ATG7: variants seen among roughly 807,000 people sequenced by gnomAD.
ATG7 encodes ubiquitin-like modifier-activating enzyme ATG7.
Under a neutral mutation model 82.4 loss-of-function variants are expected in ATG7, and 70 were observed. The ratio of observed to expected loss-of-function variants is 0.85; its 90% confidence interval spans 0.70 to 1.04. The LOEUF is 1.04. Among genes scored for constraint, ATG7 ranks in the 50% least tolerant of loss-of-function variants. The pLI is 0.00. For synonymous variants in ATG7, 287 were observed against 313.0 expected (o/e 0.92, Z 0.88); for missense variants, 792 against 864.3 (o/e 0.92, Z 1.05).
chr3:11,546,824 C>CCTG (rs1416311123), intron 20 of ATG7, among the ~76,000 whole-genome samples: 1 of 152,228 alleles, frequency 6.6e-6, no homozygotes, highest in Non-Finnish European at 1.5e-5. Flanking sequence ...AGGGCAGCGG[C>CCTG]CAGTGGGGAG....
intron 19 of ATG7, among the ~76,000 whole-genome samples, chr3:11,390,747 T>C (rs2078732812): frequency 1.5e-5 from 1 of 64,960 alleles, no homozygotes; most frequent in Admixed American, 2.0e-4. Context: ...GCAGGAAATT[T>C]TTAAAAAACT....
chr3:11,571,558 T>C, the ATG7 span, among the ~76,000 whole-genome samples: 2 of 151,808 alleles, frequency 1.3e-5, no homozygotes, highest in African/African-American at 2.4e-5. Flanking sequence ...GTAGCGCCTG[T>C]AATCCCAGCT....
chr3:11,357,776 G>A (rs972753682), intron 14 of ATG7, among the ~76,000 whole-genome samples: 1 of 151,982 alleles, frequency 6.6e-6, no homozygotes, highest in South Asian at 2.1e-4. Context: ...TTTGGAGGCC[G>A]AATCAGGAGG....
chr3:11,535,675 C>T (rs1163642813), intron 20 of ATG7, among the ~76,000 whole-genome samples: 2 of 152,112 alleles, frequency 1.3e-5, no homozygotes, highest in African/African-American at 2.4e-5. Flanking sequence ...GCTCGGCCCT[C>T]TCTCTTTTCA....
At chr3:11,478,701 A>G (rs2088551397) in intron 20 of ATG7, among the ~76,000 whole-genome samples, 1 of 152,140 alleles carries the variant, frequency 6.6e-6, no homozygotes, top group African/African-American at 2.4e-5. Context: ...AACAATTGAA[A>G]ATTTAAAAGA....
At chr3:11,558,889 T>G, downstream of ATG7, 362 of 1,572,332 alleles carry the variant, frequency 2.3e-4, no homozygotes, top group Middle Eastern at 4.6e-4. Context: ...CAGGCACGGT[T>G]GCAGCACCCT....
intron 20 of ATG7, among the ~76,000 whole-genome samples, chr3:11,543,996 C>T (rs539368308): frequency 6.6e-6 from 1 of 152,330 alleles, no homozygotes; most frequent in East Asian, 1.9e-4. Flanking sequence ...CTGGCCTCAC[C>T]ATCTGCTCTG....
chr3:11,534,409 C>T (rs900069329), intron 20 of ATG7, among the ~76,000 whole-genome samples: 4 of 152,236 alleles, frequency 2.6e-5, no homozygotes, highest in Non-Finnish European at 4.4e-5. Context: ...GGAACAGAGG[C>T]CCTCAGCATC....
intron 20 of ATG7, among the ~76,000 whole-genome samples, chr3:11,434,156 C>T (rs1481008479): frequency 1.3e-5 from 2 of 152,158 alleles, no homozygotes; most frequent in Non-Finnish European, 1.5e-5. Flanking sequence ...TTGGCCTCTC[C>T]CCCACACAGC....
At chr3:11,477,578 T>C (rs1390584398) in intron 20 of ATG7, among the ~76,000 whole-genome samples, 2 of 152,236 alleles carry the variant, frequency 1.3e-5, no homozygotes, top group Non-Finnish European at 2.9e-5. Context: ...TTAGTCACTA[T>C]AGAAGTTAGC....
At chr3:11,313,780 A>G (rs759493372) in intron 8 of ATG7, among the ~76,000 whole-genome samples, 26 of 152,048 alleles carry the variant, frequency 1.7e-4, no homozygotes, top group Non-Finnish European at 2.8e-4. Context: ...TTTGTCTTTT[A>G]ATAGATATGG....
chr3:11,569,556 A>C, the ATG7 span, among the ~76,000 whole-genome samples: 1 of 152,178 alleles, frequency 6.6e-6, no homozygotes, highest in Non-Finnish European at 1.5e-5. Context: ...AGGTGGAGAC[A>C]AGAGATTCAA....
At chr3:11,282,571 T>A (rs935661761) in intron 3 of ATG7, 133 bp downstream of exon 3, 1 of 152,228 alleles carries the variant, frequency 6.6e-6, no homozygotes, top group African/African-American at 2.4e-5. Context: ...CTTGTGGAGA[T>A]GTTAGTTTTG....
intron 20 of ATG7, among the ~76,000 whole-genome samples, chr3:11,512,696 T>C (rs2092117099): frequency 6.6e-6 from 1 of 152,286 alleles, no homozygotes; most frequent in African/African-American, 2.4e-5. Flanking sequence ...AAAAGCAGTG[T>C]GGACCCAAAG....
chr3:11,291,192 TTGA>T (rs1313275699), intron 3 of ATG7, among the ~76,000 whole-genome samples: 6 of 152,234 alleles, frequency 3.9e-5, no homozygotes, highest in African/African-American at 1.4e-4. Context: ...ATGTAGGGAC[TTGA>T]TGATCTGTCA....
rs563819270 is a variant in ATG7, at chr3:11,384,985, C to T, written c.1956+4933C>T. Among the ~76,000 whole-genome samples the T allele has an allele frequency of 4.6e-5, 7 of 152,306 alleles. 1 individual carries two copies. In the East Asian group the frequency reaches 9.6e-4, roughly 21 times the overall value. On this transcript the variant is annotated intron_variant, in intron 19 of 20. Coordinates refer to ENST00000693202, the MANE Select transcript of ATG7 (RefSeq NM_001349232.2). The stretch of plus-strand genomic sequence containing the variant: ...CCCGCCAGAAAGAAGCATGAAATAA[C>T]AAAAAGTCAACTTAGCTGCTTAAAT...
chr3:11,355,249 T>C (rs148414639), intron 14 of ATG7, among the ~76,000 whole-genome samples: 7 of 152,300 alleles, frequency 4.6e-5, no homozygotes, highest in East Asian at 3.9e-4. Context: ...AGAGACCTCA[T>C]TGAATACTCT....
At chr3:11,514,243 C>T (rs2092191749) in intron 20 of ATG7, among the ~76,000 whole-genome samples, 1 of 152,164 alleles carries the variant, frequency 6.6e-6, no homozygotes, top group African/African-American at 2.4e-5. Flanking sequence ...GGAATCTGGC[C>T]AGTGTGACTT....
chr3:11,525,552 T>C lies in ATG7; in HGVS notation c.2080-29259T>C, dbSNP rs1302843351. On this transcript the variant is annotated intron_variant, in intron 20 of 20. Coordinates refer to ENST00000693202, the MANE Select transcript of ATG7 (RefSeq NM_001349232.2). ...CACAGCCAACATTAATATCTAGTTA[T>C]AGCCTTTTTTTTTTTTTTTTTAAAC... is the stretch of plus-strand genomic sequence containing the variant. Among the ~76,000 whole-genome samples the C allele has an allele frequency of 2.1e-5, 3 of 143,096 alleles. No individual in the cohort carries two copies. In the East Asian group the frequency reaches 6.1e-4, roughly 29 times the overall value. 93.9% of individuals were successfully genotyped at this position (143,096 alleles called of 152,430 possible).
Sources: gnomAD v4.1 joint callset for allele counts (sites outside exome capture counted in the v4.1 genomes callset) on GRCh38, gnomAD v4.1.1 for gene constraint, MANE v1.5 for transcripts, NCBI Gene and HGNC (gene_info 2026-07-23, HGNC 2026-07-21) for gene names.